Variants in SCN8A observed in about 807,000 individuals in gnomAD.
SCN8A encodes sodium voltage-gated channel alpha subunit 8, also known as sodium channel protein type 8 subunit alpha.
SCN8A carries 30 observed loss-of-function variants against 184.1 expected under a neutral mutation model. That is an observed-to-expected ratio of 0.16 (90% CI 0.12 to 0.22). SCN8A has a LOEUF of 0.22. SCN8A is among the 10% of genes least tolerant of loss of function. The pLI is 1.00. For missense variants in SCN8A, 1,057 were observed against 2,498.9 expected (o/e 0.42, Z 12.30); for synonymous variants, 852 against 907.0 (o/e 0.94, Z 1.09).
intron 1 of SCN8A, among the ~76,000 whole-genome samples, chr12:51,605,420 GTTAA>G (rs1565856129): frequency 1.3e-5 from 2 of 152,126 alleles, no homozygotes. Context: ...TGCAAATGCC[GTTAA>G]TTCATTCCTT....
chr12:51,738,242 G>C (rs141470132), intron 12 of SCN8A, among the ~76,000 whole-genome samples: 1 of 152,088 alleles, frequency 6.6e-6, no homozygotes. Context: ...ATTAGAACTT[G>C]TGCTCCCCAT....
intron 6 of SCN8A, among the ~76,000 whole-genome samples, chr12:51,697,918 G>T (rs1391680885): frequency 6.6e-6 from 1 of 152,122 alleles, no homozygotes; most frequent in Non-Finnish European, 1.5e-5. Context: ...GCGCAATCTT[G>T]GCTCACTGGA....
intron 21 of SCN8A, among the ~76,000 whole-genome samples, chr12:51,784,503 G>C (rs1226989859): frequency 6.6e-6 from 1 of 152,072 alleles, no homozygotes; most frequent in Non-Finnish European, 1.5e-5. Flanking sequence ...CCTTCTCAGT[G>C]AGCCAAGATT....
At chr12:51,736,791 C>G (rs970843871) in intron 12 of SCN8A, among the ~76,000 whole-genome samples, 1 of 152,106 alleles carries the variant, frequency 6.6e-6, no homozygotes, top group Non-Finnish European at 1.5e-5. Context: ...TGGAGTGAAC[C>G]ACATATGAAG....
At chr12:51,792,616 T>C (rs948710456) in intron 25 of SCN8A, among the ~76,000 whole-genome samples, 3 of 151,468 alleles carry the variant, frequency 2.0e-5, no homozygotes, top group African/African-American at 7.3e-5. Context: ...AGGAGGGACA[T>C]TGATGAGCAG....
chr12:51,735,791 C>A (rs1295159693), intron 12 of SCN8A, among the ~76,000 whole-genome samples: 1 of 152,154 alleles, frequency 6.6e-6, no homozygotes, highest in Admixed American at 6.5e-5. Flanking sequence ...CATCTGGCTC[C>A]TGATAAGGTT....
intron 18 of SCN8A, 101 bp from the exon 19 acceptor site, chr12:51,770,428 G>A: frequency 7.7e-7 from 1 of 1,292,090 alleles, no homozygotes; most frequent in South Asian, 1.5e-5. Context: ...TCCTGGCTGT[G>A]TGGTGGGGCA....
chr12:51,650,455 T>C (rs1940684425), intron 1 of SCN8A, among the ~76,000 whole-genome samples: 1 of 151,830 alleles, frequency 6.6e-6, no homozygotes, highest in Non-Finnish European at 1.5e-5. Flanking sequence ...TGACTTACAG[T>C]TCCACATGGC....
At position 51,701,166 on chromosome 12, in the gene SCN8A, C is replaced by T. The variant is rs759628462; in HGVS notation, c.951C>T (p.Gly317=). ...NNKTNFYTVP[G]MLEPLLCGNS... Reference sequence around the variant, plus strand: ...TAGCAAATTTCTACACAGTTCCTGGCATGCTGGAACCTTTACTCTGTGGGA... The same window carrying T: ...TAGCAAATTTCTACACAGTTCCTGGTATGCTGGAACCTTTACTCTGTGGGA... Residue 317 remains glycine (G), a synonymous_variant, in exon 8 of 27, where the codon GGC becomes GGT. Coordinates refer to ENST00000627620, the MANE Select transcript of SCN8A (RefSeq NM_001330260.2). 5 of 1,612,760 alleles carry T rather than the reference C, an allele frequency of 3.1e-6. No homozygotes were observed. The highest frequency in any genetic ancestry group is 3.3e-5 in the Admixed American group (2 of 59,912).
At chr12:51,633,248 T>TATAC (rs1940238740) in intron 1 of SCN8A, among the ~76,000 whole-genome samples, 1 of 152,234 alleles carries the variant, frequency 6.6e-6, no homozygotes, top group Admixed American at 6.5e-5. Context: ...CATACTCATA[T>TATAC]ATACACATAT....
At position 51,706,677 on chromosome 12, in the gene SCN8A, G is replaced by T; in HGVS notation, c.1597G>T (p.Asp533Tyr). 1 of 1,592,582 alleles carries T rather than the reference G, an allele frequency of 6.3e-7. No homozygotes were observed. Among genetic ancestry groups the T allele is most frequent in the Non-Finnish European group, 8.5e-7 (1 of 1,170,732 alleles). Residue 533 changes from aspartate (D) to tyrosine (Y), a missense_variant, in exon 11 of 27, where the codon GAC becomes TAC. By Grantham distance (160) the Asp-to-Tyr change is radical. Coordinates refer to ENST00000627620, the MANE Select transcript of SCN8A (RefSeq NM_001330260.2). ...GAGAAGGAAGGCCTTTCGGCTGCCA[G>T]ACAACAGAATAGGGAGGAAATTTTC... ...GMRRKAFRLP[D>Y]NRIGRKFSIM...
At chr12:51,666,866 A>G (rs1468142136) in intron 2 of SCN8A, among the ~76,000 whole-genome samples, 3 of 152,152 alleles carry the variant, frequency 2.0e-5, no homozygotes, top group South Asian at 2.1e-4. Flanking sequence ...TGGCTATCAT[A>G]AGTATCTGAG....
chr12:51,737,031 G>GA (rs1229761305), intron 12 of SCN8A, among the ~76,000 whole-genome samples: 1 of 152,206 alleles, frequency 6.6e-6, no homozygotes, highest in Non-Finnish European at 1.5e-5. Context: ...TCAAAAAACT[G>GA]AAACAGCTTC....
chr12:51,744,622 T>C (rs1276874698), intron 12 of SCN8A, among the ~76,000 whole-genome samples: 1 of 151,732 alleles, frequency 6.6e-6, no homozygotes, highest in African/African-American at 2.4e-5. Context: ...ACTTTTTTTT[T>C]TTTTTTTTGA....
At position 51,715,716 on chromosome 12, in the gene SCN8A, A is replaced by G. The variant is rs578168730; in HGVS notation, c.1636-5830A>G. ...AATTAAATTTTATTGTAAAATGCAT[A>G]AAACCTCTTTCCTAATGTGAAGGCC... On this transcript the variant is annotated intron_variant, in intron 11 of 26. Coordinates refer to ENST00000627620, the MANE Select transcript of SCN8A (RefSeq NM_001330260.2). Among the ~76,000 whole-genome samples, 3 of 152,098 alleles carry G rather than the reference A, an allele frequency of 2.0e-5. No homozygotes were observed. The South Asian group carries it at 6.2e-4, about 32-fold the overall frequency.
intron 1 of SCN8A, among the ~76,000 whole-genome samples, chr12:51,624,138 T>G (rs1481109356): frequency 2.6e-5 from 4 of 152,322 alleles, no homozygotes; most frequent in Admixed American, 2.0e-4. Flanking sequence ...GTAATGGGAT[T>G]GCTGGGTCTA....
intron 23 of SCN8A, 50 bp from the exon 24 acceptor site, chr12:51,789,231 A>C (rs760615247): frequency 6.2e-7 from 1 of 1,607,306 alleles, no homozygotes; most frequent in African/African-American, 1.3e-5. Flanking sequence ...TGGCGTGTCA[A>C]ACTCCAAACT....
intron 20 of SCN8A, among the ~76,000 whole-genome samples, chr12:51,775,184 T>G (rs1937649154): frequency 6.6e-6 from 1 of 152,206 alleles, no homozygotes; most frequent in East Asian, 1.9e-4. Context: ...GACCAGGGCC[T>G]GTGGAAAATT....
At chr12:51,682,421 G>A (rs755149615) in intron 2 of SCN8A, among the ~76,000 whole-genome samples, 6 of 152,276 alleles carry the variant, frequency 3.9e-5, no homozygotes, top group Admixed American at 6.5e-5. Context: ...CAGCAAAACC[G>A]TCTGGTCCTG....
Sources: allele counts gnomAD v4.1 joint callset (sites outside exome capture counted in the v4.1 genomes callset), GRCh38; gene constraint gnomAD v4.1.1; transcripts MANE v1.5; gene names NCBI Gene and HGNC (gene_info 2026-07-23, HGNC 2026-07-21).